LEF1: variants seen among roughly 807,000 people sequenced by gnomAD.
The protein encoded by LEF1 is lymphoid enhancer binding factor 1.
Under a neutral mutation model 51.2 loss-of-function variants are expected in LEF1, and 14 were observed. The ratio of observed to expected loss-of-function variants is 0.27; its 90% CI spans 0.18 to 0.43. LEF1 has a LOEUF of 0.43. Ranked by LOEUF, LEF1 falls within the 20% of genes least tolerant of loss-of-function variation. LEF1 has a pLI of 1.00. For synonymous variants in LEF1, 185 were observed against 183.2 expected (o/e 1.01, Z -0.08); for missense variants, 386 against 512.0 (o/e 0.75, Z 2.37).
intron 1 of LEF1, chr4:108,166,755 G>A: frequency 1.0e-6 from 1 of 988,226 alleles, no homozygotes; most frequent in Middle Eastern, 5.2e-4. Flanking sequence ...CCTTTCTTCT[G>A]CGTAGATTTA....
At chr4:108,072,208 G>A (rs867573083) in intron 8 of LEF1, 12 of 74,100 alleles carry the variant, frequency 1.6e-4, no homozygotes, top group Admixed American at 2.0e-4. Flanking sequence ...GGGTGGGTTG[G>A]AGGAAGGATA....
chr4:108,119,003 G>A (rs766618131), intron 3 of LEF1, among the ~76,000 whole-genome samples: 10 of 150,340 alleles, frequency 6.7e-5, no homozygotes, highest in Non-Finnish European at 1.5e-4. Context: ...GAACTATACC[G>A]CACAGTACAT....
At chr4:108,091,550 G>C (rs2110272419) in intron 3 of LEF1, among the ~76,000 whole-genome samples, 1 of 150,094 alleles carries the variant, frequency 6.7e-6, no homozygotes, top group Middle Eastern at 3.4e-3. Context: ...CTTCTTTAAT[G>C]GCAAAACTTG....
At chr4:108,083,233 CTTG>C in intron 5 of LEF1, 120 bp downstream of exon 5, 1 of 738,562 alleles carries the variant, frequency 1.4e-6, no homozygotes, top group South Asian at 1.5e-5. Context: ...TAGCACCTTG[CTTG>C]TTGATGTGAA....
At chr4:108,062,354 T>G (rs566314221) in intron 11 of LEF1, among the ~76,000 whole-genome samples, 1 of 152,314 alleles carries the variant, frequency 6.6e-6, no homozygotes, top group East Asian at 1.9e-4. Context: ...TATCCAGTCC[T>G]CTGTAGAGGA....
At chr4:108,074,714 T>C (rs1399412168) in intron 8 of LEF1, among the ~76,000 whole-genome samples, 1 of 152,146 alleles carries the variant, frequency 6.6e-6, no homozygotes, top group Non-Finnish European at 1.5e-5. Flanking sequence ...CAGAGACCTA[T>C]AAATAGAAAC....
At chr4:108,130,312 A>G (rs1742792014) in intron 3 of LEF1, among the ~76,000 whole-genome samples, 2 of 152,202 alleles carry the variant, frequency 1.3e-5, no homozygotes, top group Admixed American at 1.3e-4. Flanking sequence ...ATCTACCTGG[A>G]TAATTTTGAT....
chr4:108,131,819 A>C (rs1742917157), intron 3 of LEF1, among the ~76,000 whole-genome samples: 1 of 152,216 alleles, frequency 6.6e-6, no homozygotes, highest in Non-Finnish European at 1.5e-5. Flanking sequence ...CTCCCAGTAA[A>C]AAAAACTAAG....
At chr4:108,132,084 T>C (rs946436742) in intron 3 of LEF1, among the ~76,000 whole-genome samples, 3 of 152,182 alleles carry the variant, frequency 2.0e-5, no homozygotes, top group Non-Finnish European at 4.4e-5. Context: ...TAGACTGATG[T>C]GCCTACCCTT....
At chr4:108,077,237 C>G (rs1252861157) in intron 8 of LEF1, among the ~76,000 whole-genome samples, 1 of 152,118 alleles carries the variant, frequency 6.6e-6, no homozygotes. Flanking sequence ...AGTGAGGAGC[C>G]CCTCTGCCTG....
In LEF1 at chr4:108,079,614, C is replaced by T. The variant is rs373162182; in HGVS notation, c.723G>A (p.Arg241=). 6.2e-7 allele frequency: 1 copy of T among 1,613,992 alleles called. No individual in the cohort carries two copies. The highest frequency in any genetic ancestry group is 8.5e-7 in the Non-Finnish European group (1 of 1,179,978). ...GACCGGGAATCATATGATGGGAAAA[C>T]CTGAAAGGAGGAAAGAGAAGAAAAC... ...SSLSVDTSMS[R]FSHHMIPGPP... The change falls in exon 7 of 12, where the codon AGG becomes AGA. Residue 241 remains arginine (R), a splice_region_variant and synonymous_variant. Transcript: ENST00000265165.
At chr4:108,148,720 T>TC (rs1744144633) in intron 3 of LEF1, among the ~76,000 whole-genome samples, 1 of 152,236 alleles carries the variant, frequency 6.6e-6, no homozygotes, top group Non-Finnish European at 1.5e-5. Context: ...CTGAAAACAT[T>TC]CTTTAGGATT....
In LEF1 at chr4:108,111,317, C is replaced by T. The variant is rs550049941; in HGVS notation, c.415-22060G>A. ...GATGCATTATTATCCTGATTCTCAG[C>T]ACATTGGCCTGTAGCTAATCTTTGA... On this transcript the variant is annotated intron_variant, in intron 3 of 11. Coordinates refer to ENST00000265165, the MANE Select transcript of LEF1 (RefSeq NM_016269.5). Among the ~76,000 whole-genome samples the T allele has an allele frequency of 3.3e-5, 5 of 152,262 alleles. No homozygotes were observed. In the East Asian group the frequency reaches 7.7e-4, roughly 24 times the overall value.
At chr4:108,067,160 C>T (rs984898350) in intron 9 of LEF1, among the ~76,000 whole-genome samples, 3 of 152,142 alleles carry the variant, frequency 2.0e-5, no homozygotes, top group African/African-American at 7.2e-5. Flanking sequence ...ACACTATGAA[C>T]GAAGCTGGGC....
chr4:108,073,982 C>T lies in LEF1; in HGVS notation c.1009-3212G>A, dbSNP rs572283654. Among the ~76,000 whole-genome samples, 14 of 152,194 alleles carry T rather than the reference C, an allele frequency of 9.2e-5. No individual in the cohort carries two copies. The South Asian group carries it at 1.2e-3, about 14-fold the overall frequency. On this transcript the variant is annotated intron_variant, in intron 8 of 11. Transcript: ENST00000265165. ...CTGGGACGACAGGTGCGTCCCACCA[C>T]GCCCGGCTACTTTTTTGTATTTTTA...
intron 11 of LEF1, among the ~76,000 whole-genome samples, chr4:108,052,053 CA>C (rs574350289): frequency 3.0e-4 from 45 of 152,282 alleles, no homozygotes; most frequent in African/African-American, 1.0e-3. Context: ...GGTTCCTCCC[CA>C]GGCTGTCCTC....
At chr4:108,137,578 A>C (rs1743380341) in intron 3 of LEF1, among the ~76,000 whole-genome samples, 1 of 152,170 alleles carries the variant, frequency 6.6e-6, no homozygotes. Context: ...AGAAGAGCAA[A>C]GTCTGAATGT....
intron 11 of LEF1, among the ~76,000 whole-genome samples, chr4:108,058,644 T>C (rs1214016711): frequency 6.6e-6 from 1 of 152,330 alleles, no homozygotes; most frequent in African/African-American, 2.4e-5. Context: ...CCGATTTATA[T>C]ACTTCTTATT....
intron 3 of LEF1, among the ~76,000 whole-genome samples, chr4:108,134,278 T>A (rs1023335344): frequency 2.0e-5 from 3 of 152,188 alleles, no homozygotes; most frequent in African/African-American, 7.2e-5. Context: ...GTCCACTTCC[T>A]CTTCCATGCT....
Sources: gnomAD v4.1 joint callset for allele counts (sites outside exome capture counted in the v4.1 genomes callset) on GRCh38, gnomAD v4.1.1 for gene constraint, MANE v1.5 for transcripts, NCBI Gene and HGNC (gene_info 2026-07-23, HGNC 2026-07-21) for gene names.